The following ARIH1 variants were observed in gnomAD, a reference collection of about 807,000 sequenced individuals.
ARIH1 encodes the protein E3 ubiquitin-protein ligase ARIH1.
A neutral mutation model predicts 85.0 loss-of-function variants in ARIH1; 8 were observed. The ratio of observed to expected loss-of-function variants is 0.09; its 90% confidence interval spans 0.06 to 0.17. The LOEUF (loss-of-function observed/expected upper bound fraction) is 0.17, where lower values mean the gene tolerates loss of function less well. ARIH1 is among the 10% of genes least tolerant of loss of function. The probability of loss-of-function intolerance (pLI) is 1.00; values close to 1 mark genes in which losing one functional copy is unlikely to be tolerated. For missense variants in ARIH1, 311 were observed against 718.1 expected (o/e 0.43, Z 6.48); for synonymous variants, 238 against 253.6 (o/e 0.94, Z 0.59).
At chr15:72,547,760 A>G (rs1386671428) in intron 3 of ARIH1, among the ~76,000 whole-genome samples, 1 of 152,188 alleles carries the variant, frequency 6.6e-6, no homozygotes, top group Non-Finnish European at 1.5e-5. Flanking sequence ...TCTGTGAGGT[A>G]ATACTAAGAC....
intron 12 of ARIH1, 57 bp downstream of exon 12, chr15:72,581,048 C>T: frequency 6.5e-7 from 1 of 1,536,192 alleles, no homozygotes; most frequent in Admixed American, 1.9e-5. Context: ...TCTACCTGAT[C>T]TTTCATATAT....
intron 3 of ARIH1, among the ~76,000 whole-genome samples, chr15:72,548,533 A>C (rs547650503): frequency 3.3e-5 from 5 of 152,212 alleles, no homozygotes; most frequent in Non-Finnish European, 7.3e-5. Context: ...TGATAGGATA[A>C]GATAGCAAAA....
At chr15:72,511,785 C>T (rs1280977884) in intron 1 of ARIH1, among the ~76,000 whole-genome samples, 2 of 152,108 alleles carry the variant, frequency 1.3e-5, no homozygotes, top group East Asian at 1.9e-4. Flanking sequence ...AAGACTCCGT[C>T]CAGTACAGAG....
intron 3 of ARIH1, among the ~76,000 whole-genome samples, chr15:72,553,645 T>G (rs2064162185): frequency 6.6e-6 from 1 of 152,170 alleles, no homozygotes. Context: ...AAGGTTTTGG[T>G]ACGGTGGCTC....
At chr15:72,555,174 G>T (rs547347037) in intron 3 of ARIH1, 97 bp from the exon 4 acceptor site, 4 of 844,368 alleles carry the variant, frequency 4.7e-6, no homozygotes, top group Non-Finnish European at 7.6e-6. Context: ...TTTTAGCCAC[G>T]TAAGAAATGT....
chr15:72,498,912 T>G (rs2063891074), intron 1 of ARIH1, among the ~76,000 whole-genome samples: 1 of 151,452 alleles, frequency 6.6e-6, no homozygotes, highest in Non-Finnish European at 1.5e-5. Flanking sequence ...GTTGTTTTAA[T>G]TTACATTTTT....
At chr15:72,484,622 T>C (rs2063829718) in intron 1 of ARIH1, among the ~76,000 whole-genome samples, 1 of 151,474 alleles carries the variant, frequency 6.6e-6, no homozygotes, top group Non-Finnish European at 1.5e-5. Flanking sequence ...GGCTGAGTAG[T>C]ATTCCATCAT....
chr15:72,552,570 G>A (rs551980787), intron 3 of ARIH1, among the ~76,000 whole-genome samples: 13 of 152,232 alleles, frequency 8.5e-5, no homozygotes, highest in African/African-American at 2.4e-4. Flanking sequence ...GCTTACAGGC[G>A]TGAGCCACCG....
At chr15:72,475,410 C>T (rs2063790888) in intron 1 of ARIH1, among the ~76,000 whole-genome samples, 1 of 152,210 alleles carries the variant, frequency 6.6e-6, no homozygotes, top group African/African-American at 2.4e-5. Flanking sequence ...GGGACTTACC[C>T]CGGCCGTAGC....
At chr15:72,503,394 C>T (rs559775786) in intron 1 of ARIH1, among the ~76,000 whole-genome samples, 1 of 152,300 alleles carries the variant, frequency 6.6e-6, no homozygotes, top group South Asian at 2.1e-4. Flanking sequence ...GTGACAGTGG[C>T]AACTTCCTGA....
In ARIH1 at chr15:72,582,595, A is replaced by T. The variant is rs896271260; in HGVS notation, c.1589+408A>T. On this transcript the variant is annotated intron_variant, in intron 13 of 13. Coordinates refer to ENST00000379887, the MANE Select transcript of ARIH1 (RefSeq NM_005744.5). The surrounding 1 kb of genome is among the most constrained non-coding windows in gnomAD (Gnocchi z 4.6). ...TAGAGTTTTTATTACATATATATATATATATTTTTTTAATCTAAGGAGATA... is the reference window on the plus strand; with the variant it reads ...TAGAGTTTTTATTACATATATATATTTATATTTTTTTAATCTAAGGAGATA... Among the ~76,000 whole-genome samples, 3 of 150,574 alleles carry T rather than the reference A, an allele frequency of 2.0e-5. No homozygotes were observed. The highest frequency in any genetic ancestry group is 7.4e-5 in the African/African-American group (3 of 40,408).
chr15:72,499,324 G>GA (rs540648344), intron 1 of ARIH1, among the ~76,000 whole-genome samples: 40 of 140,570 alleles, frequency 2.8e-4, no homozygotes, highest in East Asian at 6.1e-4. Context: ...TTATTTGTAA[G>GA]AAAAAAAAAA....
chr15:72,562,438 A>C lies in ARIH1; in HGVS notation c.804+889A>C, dbSNP rs571623895. On this transcript the variant is annotated intron_variant, in intron 6 of 13. Transcript: ENST00000379887. ...AGTAATTATTTCTGTTAGAGATTAA[A>C]CCTGGAAACAGCCTATTTTAGAAAT... is the stretch of plus-strand genomic sequence containing the variant. 2.6e-5 allele frequency among the ~76,000 whole-genome samples: 4 copies of C among 152,286 alleles called. No individual in the cohort carries two copies. The South Asian group carries it at 8.3e-4, about 32-fold the overall frequency.
chr15:72,521,745 C>T (rs574167436), intron 2 of ARIH1, among the ~76,000 whole-genome samples: 1 of 152,142 alleles, frequency 6.6e-6, no homozygotes, highest in East Asian at 1.9e-4. Context: ...GAGAGGGTTT[C>T]ACCATGTTGG....
At chr15:72,538,983 A>G (rs1286707700) in intron 2 of ARIH1, among the ~76,000 whole-genome samples, 4 of 152,198 alleles carry the variant, frequency 2.6e-5, no homozygotes, top group African/African-American at 4.8e-5. Flanking sequence ...AGGAGAAACC[A>G]TACTGCTGCT....
intron 1 of ARIH1, among the ~76,000 whole-genome samples, chr15:72,482,127 C>T (rs1438492693): frequency 1.3e-5 from 2 of 152,148 alleles, no homozygotes; most frequent in Non-Finnish European, 2.9e-5. Context: ...TGAGCCACTG[C>T]ACCCGGCCAG....
intron 1 of ARIH1, among the ~76,000 whole-genome samples, chr15:72,504,058 A>G (rs564849920): frequency 6.6e-6 from 1 of 152,046 alleles, no homozygotes; most frequent in South Asian, 2.1e-4. Context: ...GCCTTTATTT[A>G]TTTATTTATT....
intron 1 of ARIH1, among the ~76,000 whole-genome samples, chr15:72,510,491 A>AC (rs1319525568): frequency 6.6e-6 from 1 of 151,866 alleles, no homozygotes; most frequent in East Asian, 1.9e-4. Context: ...TTCCAGTACT[A>AC]CCCAGCACTT....
intron 1 of ARIH1, among the ~76,000 whole-genome samples, chr15:72,492,771 T>G (rs567887004): frequency 6.6e-6 from 1 of 152,312 alleles, no homozygotes; most frequent in South Asian, 2.1e-4. Flanking sequence ...TGAAGCTTGA[T>G]TATAATGTTG....
Sources: allele counts gnomAD v4.1 joint callset (sites outside exome capture counted in the v4.1 genomes callset), GRCh38; gene constraint gnomAD v4.1.1; non-coding constraint Gnocchi (gnomAD v3.1); transcripts MANE v1.5; gene names NCBI Gene and HGNC (gene_info 2026-07-23, HGNC 2026-07-21).